Variants in HMGN5 observed in about 807,000 individuals in gnomAD.
HMGN5 encodes high mobility group nucleosome binding domain 5.
A neutral mutation model predicts 9.5 loss-of-function variants in HMGN5; 4 were observed. The ratio of observed to expected loss-of-function variants is 0.42; its 90% CI spans 0.21 to 0.96. HMGN5 has a LOEUF of 0.96. Ranked by LOEUF, HMGN5 falls within the 40% of genes least tolerant of loss-of-function variation. The pLI is 0.30. For missense variants in HMGN5, 192 were observed against 187.5 expected (o/e 1.02, Z -0.14); for synonymous variants, 55 against 57.1 (o/e 0.96, Z 0.16).
At chrX:81,135,546 A>G (rs1351634544) in intron 1 of HMGN5, among the ~76,000 whole-genome samples, 1 of 111,440 alleles carries the variant, frequency 9.0e-6, no homozygotes, top group Non-Finnish European at 1.9e-5. Context: ...TGCTACCTCA[A>G]AAACATTATA....
chrX:81,165,533 A>C (rs189729101), intron 1 of HMGN5, among the ~76,000 whole-genome samples: 1 of 111,348 alleles, frequency 9.0e-6, no homozygotes, highest in East Asian at 2.8e-4. Flanking sequence ...AAGAGAAACA[A>C]ACAGCTCTCA....
At chrX:81,164,828 C>T (rs1045849536) in intron 1 of HMGN5, among the ~76,000 whole-genome samples, 1 of 111,157 alleles carries the variant, frequency 9.0e-6, no homozygotes, top group East Asian at 2.8e-4. Flanking sequence ...ATTATAACCC[C>T]CACAGTCTTC....
chrX:81,147,778 GC>G (rs1406939185), intron 1 of HMGN5, among the ~76,000 whole-genome samples: 1 of 112,131 alleles, frequency 8.9e-6, no homozygotes, highest in Non-Finnish European at 1.9e-5. Context: ...AGCAACTTCA[GC>G]AAAGTCTCAG....
chrX:81,130,717 A>G (rs1490473282), intron 1 of HMGN5, among the ~76,000 whole-genome samples: 1 of 110,622 alleles, frequency 9.0e-6, no homozygotes, highest in Non-Finnish European at 1.9e-5. Context: ...TGTAGAACGT[A>G]ATTATCCTGA....
At chrX:81,198,206 G>A (rs1325979669) in intron 1 of HMGN5, among the ~76,000 whole-genome samples, 1 of 111,712 alleles carries the variant, frequency 9.0e-6, no homozygotes, top group Non-Finnish European at 1.9e-5. Context: ...ACATAATTTA[G>A]GTTTAGTTCG....
At chrX:81,164,483 G>C (rs1454525511) in intron 1 of HMGN5, among the ~76,000 whole-genome samples, 1 of 111,036 alleles carries the variant, frequency 9.0e-6, no homozygotes, top group Non-Finnish European at 1.9e-5. Context: ...AGATTTCTTT[G>C]TCCACTTATC....
chrX:81,196,141 A>G (rs2075507543), intron 1 of HMGN5, among the ~76,000 whole-genome samples: 1 of 111,483 alleles, frequency 9.0e-6, no homozygotes, highest in Non-Finnish European at 1.9e-5. Flanking sequence ...ACAACAGTAT[A>G]TCCTCCAATG....
intron 1 of HMGN5, among the ~76,000 whole-genome samples, chrX:81,196,534 T>A (rs1868336055): frequency 9.2e-6 from 1 of 108,536 alleles, no homozygotes; most frequent in Non-Finnish European, 1.9e-5. Flanking sequence ...ATGGGTTTTT[T>A]TTGTTTGTTT....
At chrX:81,152,454 C>G (rs2075366264) in intron 1 of HMGN5, among the ~76,000 whole-genome samples, 1 of 110,068 alleles carries the variant, frequency 9.1e-6, no homozygotes, top group Non-Finnish European at 1.9e-5. Context: ...GATACCATCT[C>G]ACACCAGTTA....
chrX:81,135,818 T>C (rs943615659), intron 1 of HMGN5, among the ~76,000 whole-genome samples: 1 of 111,400 alleles, frequency 9.0e-6, no homozygotes, highest in Non-Finnish European at 1.9e-5. Context: ...TGTTGAAATT[T>C]AATGCCATTG....
At chrX:81,187,551 A>G (rs2075481026) in intron 1 of HMGN5, among the ~76,000 whole-genome samples, 1 of 110,942 alleles carries the variant, frequency 9.0e-6, no homozygotes, top group African/African-American at 3.3e-5. Flanking sequence ...ATTGGTATGG[A>G]ATATATTTTT....
At chrX:81,201,435 T>G (rs186547866) in intron 1 of HMGN5, among the ~76,000 whole-genome samples, 290 of 111,705 alleles carry the variant, frequency 2.6e-3, no homozygotes, top group African/African-American at 9.0e-3. Context: ...ATCCATCTTT[T>G]TACACAATAT....
Position 81,126,600 on chromosome X carries a change from C to T in HMGN5, c.-123-4928G>A, listed in dbSNP as rs757398338. ...CAAAGAGGTTTTCAGATAAAAATTG[C>T]GGATGAGATTCATTATTGGTTAAAT... On this transcript the variant is annotated intron_variant, in intron 1 of 6. Coordinates refer to ENST00000358130, the MANE Select transcript of HMGN5 (RefSeq NM_030763.3). 6.3e-5 allele frequency among the ~76,000 whole-genome samples: 7 copies of T among 111,491 alleles called. No homozygotes were observed. The East Asian group carries it at 1.4e-3, about 22-fold the overall frequency.
At chrX:81,138,396 C>T (rs968169284) in intron 1 of HMGN5, among the ~76,000 whole-genome samples, 1 of 111,225 alleles carries the variant, frequency 9.0e-6, no homozygotes, top group African/African-American at 3.3e-5. Flanking sequence ...GAAGAAAAAT[C>T]GTGATCATAT....
chrX:81,170,008 C>T (rs1010422232), intron 1 of HMGN5, among the ~76,000 whole-genome samples: 3 of 102,130 alleles, frequency 2.9e-5, no homozygotes, highest in Non-Finnish European at 6.0e-5. Flanking sequence ...GAACTGACAA[C>T]GCCCCACTGC....
intron 1 of HMGN5, among the ~76,000 whole-genome samples, chrX:81,155,912 G>C (rs183305927): frequency 4.5e-5 from 5 of 111,437 alleles, no homozygotes; most frequent in African/African-American, 1.6e-4. Context: ...AAACAAATGA[G>C]TGCATAAAAA....
chrX:81,131,892 G>T (rs1004189145), intron 1 of HMGN5, among the ~76,000 whole-genome samples: 3 of 110,916 alleles, frequency 2.7e-5, no homozygotes, highest in Middle Eastern at 4.7e-3. Flanking sequence ...AGAAATAAAG[G>T]GCATTCAAAT....
intron 1 of HMGN5, among the ~76,000 whole-genome samples, chrX:81,141,247 C>T: frequency 8.9e-6 from 1 of 111,844 alleles, no homozygotes; most frequent in Non-Finnish European, 1.9e-5. Flanking sequence ...CTTCACCCTG[C>T]AGGGAAGGAC....
At chrX:81,156,658 G>T (rs2075383826) in intron 1 of HMGN5, among the ~76,000 whole-genome samples, 1 of 111,991 alleles carries the variant, frequency 8.9e-6, no homozygotes, top group African/African-American at 3.2e-5. Context: ...GCTCTAGAAA[G>T]TAAGCTCCAT....
Sources: allele counts gnomAD v4.1 joint callset (sites outside exome capture counted in the v4.1 genomes callset), GRCh38; gene constraint gnomAD v4.1.1; transcripts MANE v1.5; gene names NCBI Gene and HGNC (gene_info 2026-07-23, HGNC 2026-07-21).